KLC1: variants seen among roughly 807,000 people sequenced by gnomAD.
KLC1 encodes the protein kinesin 2 60/70kDa.
Under a neutral mutation model 84.2 loss-of-function variants are expected in KLC1, and 30 were observed. The ratio of observed to expected loss-of-function variants is 0.36; its 90% CI spans 0.27 to 0.48. The LOEUF (loss-of-function observed/expected upper bound fraction) is 0.48, where lower values mean the gene tolerates loss of function less well. Among genes scored for constraint, KLC1 ranks in the 20% least tolerant of loss-of-function variants. The probability of loss-of-function intolerance (pLI) is 0.99; values close to 1 mark genes in which losing one functional copy is unlikely to be tolerated. For missense variants in KLC1, 499 were observed against 805.4 expected, an observed-to-expected ratio of 0.62 and a Z score of 4.60; for synonymous variants, 289 against 293.3, an observed-to-expected ratio of 0.99 and a Z score of 0.15.
chr14:103,662,179 G>A lies in KLC1; in HGVS notation c.556G>A (p.Asp186Asn). 1.9e-6 allele frequency: 3 copies of A among 1,613,270 alleles called. No individual in the cohort carries two copies. Among genetic ancestry groups the A allele is most frequent in the Middle Eastern group, 1.7e-4 (1 of 6,060 alleles). ...TGACCTTTTCCCCAATGATGAAGACGACCCAGGGCAAGGAAGTGAGTGATG... is the reference window on the plus strand; with the variant it reads ...TGACCTTTTCCCCAATGATGAAGACAACCCAGGGCAAGGAAGTGAGTGATG... ...LDDLFPNDED[D>N]PGQGIQQQHS... The change falls in exon 4 of 17, where the codon GAC becomes AAC. Residue 186 changes from aspartate to asparagine, a missense_variant. This residue lies in a region of KLC1 where 179 missense variants were observed against 264.2 expected (regional missense o/e 0.68). Coordinates refer to ENST00000334553, the MANE Select transcript of KLC1 (RefSeq NM_001394837.1).
chr14:103,677,462 G>A lies in KLC1; in HGVS notation c.1427G>A (p.Arg476His). 5 of 1,614,036 alleles carry A rather than the reference G, an allele frequency of 3.1e-6. No homozygotes were observed. The highest frequency in any genetic ancestry group is 1.1e-5 in the South Asian group (1 of 91,078). The change falls in exon 12 of 17, where the codon CGT becomes CAT. Residue 476 changes from arginine to histidine, a missense_variant. Arg to His is a conservative substitution (Grantham distance 29). This residue lies in a region of KLC1 where 153 missense variants were observed against 332.4 expected (regional missense o/e 0.46). Coordinates refer to ENST00000334553, the MANE Select transcript of KLC1 (RefSeq NM_001394837.1). The part of the protein sequence containing the change: ...TLKNLGALYR[R>H]QGKFEAAETL... ...AAAAACCTTGGGGCACTTTACAGAC[G>A]TCAAGGCAAATTTGAAGCTGCAGAA... is the stretch of plus-strand genomic sequence containing the variant.
chr14:103,699,208 A>C, intron 15 of KLC1: 4 of 1,550,388 alleles, frequency 2.6e-6, no homozygotes, highest in Non-Finnish European at 3.5e-6. Flanking sequence ...GGTCAGCTGC[A>C]ACGGCTGAGG....
chr14:103,694,808 G>A lies in KLC1; in HGVS notation c.1848+2383G>A. ...AAGCTCCCCGTGGGGCACGAAGGCT[G>A]GGGACAGAGTGTCCTGAGGTTTTGT... On this transcript the variant is annotated intron_variant, in intron 15 of 16. Transcript: ENST00000334553. This position sits in a 1 kb window ranked among gnomAD's most constrained non-coding sequence, Gnocchi z 4.5. 8.1e-6 allele frequency: 8 copies of A among 985,480 alleles called. No homozygotes were observed. Among genetic ancestry groups the A allele is most frequent in the Non-Finnish European group, 9.6e-6 (8 of 829,942 alleles). The allele number at this position is 985,480 out of a possible 1,614,324, so 61.0% of individuals were successfully genotyped here.
At position 103,693,426 on chromosome 14, in the gene KLC1, CT is replaced by C. The variant is rs2082234016; in HGVS notation, c.1848+1002del. The C allele has an allele frequency of 6.9e-7, 1 of 1,446,040 alleles. No individual in the cohort carries two copies. The allele number at this position is 1,446,040 out of a possible 1,614,324, so 89.6% of individuals were successfully genotyped here. ...GGAGTTTCTACATGCACATTGACCC[CT>C]GGGCCTCTCGAGTGCCAACCTAGAT... On this transcript the variant is annotated intron_variant, in intron 15 of 16. Coordinates refer to ENST00000334553, the MANE Select transcript of KLC1 (RefSeq NM_001394837.1). The surrounding 1 kb of genome is among the most constrained non-coding windows in gnomAD (Gnocchi z 5.1).
intron 1 of KLC1, among the ~76,000 whole-genome samples, chr14:103,642,821 G>T (rs1233686484): frequency 6.7e-6 from 1 of 148,968 alleles, no homozygotes; most frequent in South Asian, 2.1e-4. Context: ...AGGCTGGAGT[G>T]CAGTGGCGTG....
chr14:103,686,164 G>C, intron 13 of KLC1: 1 of 989,040 alleles, frequency 1.0e-6, no homozygotes, highest in Non-Finnish European at 1.2e-6. Flanking sequence ...TACTAATCTT[G>C]AAGTGCTCAG....
At chr14:103,643,735 C>T (rs979323157) in intron 1 of KLC1, among the ~76,000 whole-genome samples, 1 of 151,616 alleles carries the variant, frequency 6.6e-6, no homozygotes, top group East Asian at 1.9e-4. Flanking sequence ...CCAGACCAGC[C>T]TGGCCAATAT....
intron 11 of KLC1, 127 bp downstream of exon 11, chr14:103,675,883 G>A (rs1359555383): frequency 1.1e-5 from 8 of 716,256 alleles, no homozygotes; most frequent in Admixed American, 2.6e-5. Context: ...TGTTTTTCCC[G>A]AATTCCAATT....
At chr14:103,670,444 C>G (rs923022974) in intron 7 of KLC1, among the ~76,000 whole-genome samples, 161 bp downstream of exon 7, 4 of 149,894 alleles carry the variant, frequency 2.7e-5, no homozygotes, top group African/African-American at 7.4e-5. Flanking sequence ...TCAGGTGATT[C>G]TTCTGCCTCG....
chr14:103,698,454 T>G, intron 15 of KLC1: 13 of 356,394 alleles, frequency 3.6e-5, no homozygotes, highest in East Asian at 2.1e-4. Flanking sequence ...TGGGCTTCCA[T>G]GTGGAGAGAA....
At position 103,693,026 on chromosome 14, in the gene KLC1, C is replaced by T. The variant is rs1193309360; in HGVS notation, c.1848+601C>T. ...TTTGGTGTGGCTGTCAGTGGGTGGC[C>T]GGGTGCCTGTGGCTGCTCTAGAACC... On this transcript the variant is annotated intron_variant, in intron 15 of 16. Transcript: ENST00000334553. The surrounding 1 kb of genome is among the most constrained non-coding windows in gnomAD (Gnocchi z 5.1). Among the ~76,000 whole-genome samples, 2 of 152,196 alleles carry T rather than the reference C, an allele frequency of 1.3e-5. No individual in the cohort carries two copies. Among genetic ancestry groups the T allele is most frequent in the Non-Finnish European group, 2.9e-5 (2 of 68,032 alleles).
chr14:103,641,571 G>A (rs1258209044), intron 1 of KLC1, among the ~76,000 whole-genome samples: 1 of 152,106 alleles, frequency 6.6e-6, no homozygotes, highest in Non-Finnish European at 1.5e-5. Flanking sequence ...AAGAGTGTGA[G>A]AGAGTTCCCT....
intron 15 of KLC1, chr14:103,695,688 G>A (rs1222531695): frequency 1.0e-6 from 1 of 985,352 alleles, no homozygotes; most frequent in Non-Finnish European, 1.2e-6. Flanking sequence ...GATGGGTGCA[G>A]ACGAGGTTGT....
chr14:103,662,505 G>A (rs1005834637), intron 4 of KLC1, among the ~76,000 whole-genome samples, 197 bp from the exon 5 acceptor site: 3 of 152,014 alleles, frequency 2.0e-5, no homozygotes, highest in African/African-American at 7.2e-5. Flanking sequence ...ATGGCACTGA[G>A]TGGCCATGTT....
chr14:103,671,188 G>T (rs2080356822), intron 7 of KLC1, among the ~76,000 whole-genome samples: 1 of 152,084 alleles, frequency 6.6e-6, no homozygotes, highest in African/African-American at 2.4e-5. Flanking sequence ...TATAACTAAA[G>T]ATTAACTCAG....
At chr14:103,653,278 G>A (rs2078602527) in intron 1 of KLC1, among the ~76,000 whole-genome samples, 1 of 152,180 alleles carries the variant, frequency 6.6e-6, no homozygotes, top group African/African-American at 2.4e-5. Flanking sequence ...CTCCTGGGTA[G>A]CAAGGAATAC....
chr14:103,693,785 T>G lies in KLC1; in HGVS notation c.1848+1360T>G. On this transcript the variant is annotated intron_variant, in intron 15 of 16. Transcript: ENST00000334553. This position sits in a 1 kb window ranked among gnomAD's most constrained non-coding sequence, Gnocchi z 5.1. Reference sequence around the variant, plus strand: ...CCTTTTCAAAACACCCGGGAGGCCGTGCCTCAGCATTCTGTTACTCGGCCT... The same window carrying G: ...CCTTTTCAAAACACCCGGGAGGCCGGGCCTCAGCATTCTGTTACTCGGCCT... 1 of 1,417,296 alleles carries G rather than the reference T, an allele frequency of 7.1e-7. No individual in the cohort carries two copies. Among genetic ancestry groups the G allele is most frequent in the Non-Finnish European group, 9.2e-7 (1 of 1,089,274 alleles). The allele number at this position is 1,417,296 out of a possible 1,614,324, so 87.8% of individuals were successfully genotyped here.
chr14:103,684,797 G>A, intron 13 of KLC1: 2 of 588,028 alleles, frequency 3.4e-6, no homozygotes, highest in East Asian at 2.9e-5. Context: ...CAAGCATTTA[G>A]TTGAGGTGTA....
In KLC1 at chr14:103,673,646, G is replaced by A. The variant is rs551266921; in HGVS notation, c.1261+215G>A. Among the ~76,000 whole-genome samples the A allele has an allele frequency of 1.5e-3, 235 of 152,292 alleles. 4 individuals are homozygous for A. The highest frequency in any genetic ancestry group is 6.2e-4 in the Non-Finnish European group (42 of 68,030). ...TTTAAAAGCAAGGATACCACAGGCC[G>A]GGCGTGGTGGCTCACGCCTGTAATT... is the stretch of plus-strand genomic sequence containing the variant. On this transcript the variant is annotated intron_variant, in intron 9 of 16. Transcript: ENST00000334553.
Sources: allele counts gnomAD v4.1 joint callset (sites outside exome capture counted in the v4.1 genomes callset), GRCh38; gene constraint gnomAD v4.1.1; regional missense constraint gnomAD v4.1.1; non-coding constraint Gnocchi (gnomAD v3.1); transcripts MANE v1.5; gene names NCBI Gene and HGNC (gene_info 2026-07-23, HGNC 2026-07-21).